HS6ST3: variants seen among roughly 807,000 people sequenced by gnomAD.
HS6ST3 encodes heparan-sulfate 6-O-sulfotransferase 3.
A neutral mutation model predicts 36.7 loss-of-function variants in HS6ST3; 12 were observed. That is an observed-to-expected ratio of 0.33 (90% CI 0.21 to 0.53). The LOEUF (loss-of-function observed/expected upper bound fraction) is 0.53. Among genes scored for constraint, HS6ST3 ranks in the 20% least tolerant of loss-of-function variants. The pLI, the probability that HS6ST3 is intolerant of heterozygous loss-of-function variation, is 0.95. For synonymous variants in HS6ST3, 240 were observed against 257.5 expected (o/e 0.93, Z 0.65); for missense variants, 584 against 640.9 (o/e 0.91, Z 0.96).
chr13:96,638,963 C>A (rs900821037), intron 1 of HS6ST3, among the ~76,000 whole-genome samples: 2 of 151,874 alleles, frequency 1.3e-5, no homozygotes, highest in Non-Finnish European at 2.9e-5. Context: ...ATCATTGAGA[C>A]TTGTTTTATG....
chr13:96,139,541 G>GCAA (rs371698480), intron 1 of HS6ST3, among the ~76,000 whole-genome samples: 1 of 66,262 alleles, frequency 1.5e-5, no homozygotes, highest in African/African-American at 6.1e-5. Context: ...GTAAGATTCA[G>GCAA]AAAAAAAAAA....
intron 1 of HS6ST3, among the ~76,000 whole-genome samples, chr13:96,475,612 CAAAAAAAAA>C (rs1251970502): frequency 2.2e-5 from 2 of 91,580 alleles, no homozygotes; most frequent in Non-Finnish European, 4.8e-5. Context: ...GGAGTACTAC[CAAAAAAAAA>C]AAAAAAAAAG....
intron 1 of HS6ST3, among the ~76,000 whole-genome samples, chr13:96,281,485 G>A (rs1310651348): frequency 4.6e-5 from 7 of 152,024 alleles, no homozygotes; most frequent in African/African-American, 1.7e-4. Context: ...TGAGGAGAAA[G>A]ACTAGTAGTA....
intron 1 of HS6ST3, among the ~76,000 whole-genome samples, chr13:96,494,680 C>G (rs1227179779): frequency 6.6e-6 from 1 of 151,982 alleles, no homozygotes; most frequent in Non-Finnish European, 1.5e-5. Flanking sequence ...CACACATACA[C>G]ACACACACAC....
Position 96,391,902 on chromosome 13 carries a change from T to C in HS6ST3, c.707+300333T>C, listed in dbSNP as rs534204427. 2.0e-5 allele frequency among the ~76,000 whole-genome samples: 3 copies of C among 152,344 alleles called. No individual in the cohort carries two copies. The East Asian group carries it at 5.8e-4, about 29-fold the overall frequency. The stretch of plus-strand genomic sequence containing the variant: ...AAATGGTTGTGAATAGCATCTACCC[T>C]GTCTATGTCACTGGCTTGCCGAGAG... On this transcript the variant is annotated intron_variant, in intron 1 of 1. Coordinates refer to ENST00000376705, the MANE Select transcript of HS6ST3 (RefSeq NM_153456.4).
chr13:96,107,357 A>G (rs2053846565), intron 1 of HS6ST3, among the ~76,000 whole-genome samples: 1 of 152,148 alleles, frequency 6.6e-6, no homozygotes, highest in Non-Finnish European at 1.5e-5. Context: ...ATGAGTGATC[A>G]TTGGTGCTAA....
At chr13:96,266,303 A>G (rs1354789960) in intron 1 of HS6ST3, among the ~76,000 whole-genome samples, 2 of 152,112 alleles carry the variant, frequency 1.3e-5, no homozygotes, top group Admixed American at 1.3e-4. Context: ...CCTGACTCTG[A>G]TCCTGAGAGG....
intron 1 of HS6ST3, among the ~76,000 whole-genome samples, chr13:96,502,357 G>A (rs1157865253): frequency 9.6e-6 from 1 of 104,232 alleles, no homozygotes; most frequent in Non-Finnish European, 2.1e-5. Context: ...TCTCTTCACG[G>A]GCTTTTTTTT....
At chr13:96,713,699 AT>A (rs1038151453) in intron 1 of HS6ST3, among the ~76,000 whole-genome samples, 7 of 151,020 alleles carry the variant, frequency 4.6e-5, no homozygotes, top group Admixed American at 6.6e-5. Context: ...TTACTAAAGC[AT>A]TTTTTTTTCA....
At chr13:96,802,628 G>C (rs1336749059) in intron 1 of HS6ST3, among the ~76,000 whole-genome samples, 1 of 152,178 alleles carries the variant, frequency 6.6e-6, no homozygotes, top group African/African-American at 2.4e-5. Flanking sequence ...CAGGGATTAA[G>C]CACACATTCC....
intron 1 of HS6ST3, among the ~76,000 whole-genome samples, chr13:96,474,263 A>T (rs915466849): frequency 6.6e-6 from 1 of 152,174 alleles, no homozygotes; most frequent in Non-Finnish European, 1.5e-5. Context: ...GTTGTTAGTG[A>T]TGGCAACGTG....
chr13:96,152,333 T>TGTTGTTGTTG (rs1555388359), intron 1 of HS6ST3, among the ~76,000 whole-genome samples: 3 of 78,452 alleles, frequency 3.8e-5, no homozygotes, highest in African/African-American at 1.3e-4. Context: ...TTTTTTTTTT[T>TGTTGTTGTTG]TTGTTGTTGT....
chr13:96,453,633 C>T (rs894964673), intron 1 of HS6ST3, among the ~76,000 whole-genome samples: 3 of 152,076 alleles, frequency 2.0e-5, no homozygotes, highest in Middle Eastern at 3.2e-3. Context: ...AAGCAAAAAA[C>T]GGGTTCTAGG....
At chr13:96,382,903 G>T (rs1202429120) in intron 1 of HS6ST3, among the ~76,000 whole-genome samples, 1 of 152,166 alleles carries the variant, frequency 6.6e-6, no homozygotes, top group East Asian at 1.9e-4. Context: ...ATTAATAGCA[G>T]TGAATACTTA....
chr13:96,217,559 C>G (rs978392831), intron 1 of HS6ST3, among the ~76,000 whole-genome samples: 1 of 152,184 alleles, frequency 6.6e-6, no homozygotes, highest in African/African-American at 2.4e-5. Context: ...TTCTCTCTCT[C>G]TCTGTCCATC....
intron 1 of HS6ST3, among the ~76,000 whole-genome samples, chr13:96,483,160 T>C (rs2055897501): frequency 6.6e-6 from 1 of 152,182 alleles, no homozygotes; most frequent in South Asian, 2.1e-4. Context: ...TATGGCTTGA[T>C]GGTTTGATGA....
chr13:96,584,760 C>A (rs1009123155), intron 1 of HS6ST3, among the ~76,000 whole-genome samples: 1 of 152,158 alleles, frequency 6.6e-6, no homozygotes, highest in African/African-American at 2.4e-5. Context: ...GCTACTGAAA[C>A]CTTTTATAAG....
intron 1 of HS6ST3, among the ~76,000 whole-genome samples, chr13:96,663,852 C>T (rs2056654752): frequency 6.6e-6 from 1 of 152,016 alleles, no homozygotes; most frequent in Non-Finnish European, 1.5e-5. Flanking sequence ...AAAACATTAT[C>T]CTAAGTGAAA....
At chr13:96,105,605 G>A (rs10454558) in intron 1 of HS6ST3, among the ~76,000 whole-genome samples, 6,362 of 152,130 alleles carry the variant, frequency 0.042, 219 homozygotes, top group African/African-American at 0.098. Flanking sequence ...AGCTGAAATC[G>A]CGCCACTGCA....
Sources: allele counts gnomAD v4.1 joint callset (sites outside exome capture counted in the v4.1 genomes callset), GRCh38; gene constraint gnomAD v4.1.1; transcripts MANE v1.5; gene names NCBI Gene and HGNC (gene_info 2026-07-23, HGNC 2026-07-21).